The following ATXN1 variants were observed in gnomAD, a reference collection of about 807,000 sequenced individuals.
ATXN1 encodes the protein ataxin 1.
Under a neutral mutation model 56.4 loss-of-function variants are expected in ATXN1, and 8 were observed. That is an observed-to-expected ratio of 0.14 (90% CI 0.08 to 0.26). The LOEUF (loss-of-function observed/expected upper bound fraction) is 0.26. ATXN1 is among the 10% of genes least tolerant of loss of function. The pLI is 1.00. For synonymous variants in ATXN1, 514 were observed against 494.6 expected (o/e 1.04, Z -0.52); for missense variants, 987 against 1,106.5 (o/e 0.89, Z 1.53).
chr6:16,608,986 G>A (rs925793626), intron 3 of ATXN1, among the ~76,000 whole-genome samples: 8 of 152,042 alleles, frequency 5.3e-5, no homozygotes, highest in Non-Finnish European at 1.0e-4. Context: ...ATATAAAGAT[G>A]GGGGGAAGTC....
chr6:16,752,056 T>TCTTATCTAAGATGCC (rs1581423213), intron 2 of ATXN1, among the ~76,000 whole-genome samples: 1 of 152,232 alleles, frequency 6.6e-6, no homozygotes, highest in Non-Finnish European at 1.5e-5. Flanking sequence ...AGCTCCATGC[T>TCTTATCTAAGATGCC]CTTATCTAAG....
intron 2 of ATXN1, among the ~76,000 whole-genome samples, chr6:16,711,694 C>A (rs1417195415): frequency 6.6e-6 from 1 of 151,902 alleles, no homozygotes; most frequent in African/African-American, 2.4e-5. Context: ...TGACTCACTG[C>A]AGGCTTGACC....
At chr6:16,683,378 G>C (rs1344308492) in intron 2 of ATXN1, among the ~76,000 whole-genome samples, 1 of 152,192 alleles carries the variant, frequency 6.6e-6, no homozygotes, top group Non-Finnish European at 1.5e-5. Context: ...TTAGGATAAA[G>C]AGGGCAGTTT....
chr6:16,387,844 T>C (rs1030461184), intron 6 of ATXN1, among the ~76,000 whole-genome samples: 3 of 152,206 alleles, frequency 2.0e-5, no homozygotes, highest in Admixed American at 2.0e-4. Flanking sequence ...ATAGTTACCA[T>C]TGACCAAACA....
intron 3 of ATXN1, among the ~76,000 whole-genome samples, chr6:16,609,009 GA>G (rs1326281377): frequency 1.3e-5 from 2 of 151,704 alleles, no homozygotes; most frequent in South Asian, 2.1e-4. Context: ...CACCAGTGCT[GA>G]AAAAAAAGGA....
At chr6:16,613,258 C>T (rs1270844392) in intron 3 of ATXN1, among the ~76,000 whole-genome samples, 2 of 110,896 alleles carry the variant, frequency 1.8e-5, no homozygotes, top group Non-Finnish European at 3.3e-5. Context: ...GGCGACAGAG[C>T]GAGACTCCGT....
At chr6:16,761,202 G>A in intron 1 of ATXN1, 96 bp downstream of exon 1, 2 of 379,942 alleles carry the variant, frequency 5.3e-6, no homozygotes, top group South Asian at 3.8e-5. Context: ...CCCCTCTCGG[G>A]AGATCGGGGG....
intron 6 of ATXN1, among the ~76,000 whole-genome samples, chr6:16,397,376 G>A (rs559982345): frequency 6.6e-6 from 1 of 152,196 alleles, no homozygotes; most frequent in South Asian, 2.1e-4. Context: ...TGATTCTCCT[G>A]CTTCAGCCTC....
chr6:16,700,339 C>T (rs1025581980), intron 2 of ATXN1, among the ~76,000 whole-genome samples: 1 of 152,254 alleles, frequency 6.6e-6, no homozygotes, highest in African/African-American at 2.4e-5. Flanking sequence ...AACACAGTCC[C>T]TGATTTGCCT....
At chr6:16,425,563 C>T (rs550237320) in intron 6 of ATXN1, among the ~76,000 whole-genome samples, 127 of 152,290 alleles carry the variant, frequency 8.3e-4, no homozygotes, top group African/African-American at 2.6e-3. Flanking sequence ...AGATTTCAGA[C>T]GCATTTATAA....
intron 6 of ATXN1, among the ~76,000 whole-genome samples, chr6:16,381,410 C>T (rs145193845): frequency 1.8e-4 from 28 of 152,280 alleles, no homozygotes; most frequent in Non-Finnish European, 3.1e-4. Context: ...AGATCCTTCC[C>T]GAGCATCTTC....
chr6:16,316,906 T>C (rs1581684705), intron 7 of ATXN1, among the ~76,000 whole-genome samples: 1 of 115,484 alleles, frequency 8.7e-6, no homozygotes, highest in African/African-American at 4.0e-5. Flanking sequence ...CAGCCAGAAC[T>C]AAAGTGGGCT....
chr6:16,567,181 GGACAATCTGGGGGGATAT>G (rs1365088043), intron 4 of ATXN1, among the ~76,000 whole-genome samples: 16 of 152,112 alleles, frequency 1.1e-4, no homozygotes, highest in Non-Finnish European at 1.9e-4. Flanking sequence ...GAATCTATGA[GGACAATCTGGGGGGATAT>G]GACTGCCAAC....
At chr6:16,400,900 C>G (rs1758553997) in intron 6 of ATXN1, among the ~76,000 whole-genome samples, 1 of 152,106 alleles carries the variant, frequency 6.6e-6, no homozygotes, top group Admixed American at 6.5e-5. Context: ...GGTCTGAGAA[C>G]CAGGGCCAAT....
intron 3 of ATXN1, among the ~76,000 whole-genome samples, chr6:16,642,932 T>G (rs538279026): frequency 4.6e-5 from 7 of 152,240 alleles, no homozygotes; most frequent in Non-Finnish European, 1.0e-4. Context: ...ATTTGCTGTA[T>G]TGCAATACTT....
chr6:16,359,013 C>G (rs977212951), intron 6 of ATXN1, among the ~76,000 whole-genome samples: 1 of 152,244 alleles, frequency 6.6e-6, no homozygotes, highest in Non-Finnish European at 1.5e-5. Context: ...GGCGTCTCTG[C>G]AGCCTGCACC....
chr6:16,604,839 G>C (rs2113784084), intron 3 of ATXN1, among the ~76,000 whole-genome samples: 1 of 151,992 alleles, frequency 6.6e-6, no homozygotes, highest in Admixed American at 6.6e-5. Context: ...TCCCACTTTG[G>C]CTTCACAAAG....
At chr6:16,689,738 ATACT>A (rs1490086676) in intron 2 of ATXN1, among the ~76,000 whole-genome samples, 2 of 152,052 alleles carry the variant, frequency 1.3e-5, no homozygotes, top group African/African-American at 4.8e-5. Context: ...ATCACCTCAC[ATACT>A]TATTTTTTAT....
At chr6:16,647,281 C>G (rs954358878) in intron 3 of ATXN1, among the ~76,000 whole-genome samples, 7 of 152,160 alleles carry the variant, frequency 4.6e-5, no homozygotes, top group Non-Finnish European at 8.8e-5. Flanking sequence ...GGATTACAGG[C>G]GTGAGCCACC....
Sources: gnomAD v4.1 joint callset for allele counts (sites outside exome capture counted in the v4.1 genomes callset) on GRCh38, gnomAD v4.1.1 for gene constraint, MANE v1.5 for transcripts, NCBI Gene and HGNC (gene_info 2026-07-23, HGNC 2026-07-21) for gene names.